Variants in ROBO2 observed in about 807,000 individuals in gnomAD.
The protein encoded by ROBO2 is roundabout guidance receptor 2, also known as roundabout homolog 2.
ROBO2 carries 53 observed loss-of-function variants against 160.8 expected under a neutral mutation model. The observed-to-expected ratio is 0.33, with a 90% confidence interval of 0.26 to 0.41. The LOEUF (loss-of-function observed/expected upper bound fraction) is 0.41. Among genes scored for constraint, ROBO2 ranks in the 10% least tolerant of loss-of-function variants. ROBO2 has a pLI of 1.00. For synonymous variants in ROBO2, 664 were observed against 611.7 expected (o/e 1.09, Z -1.26); for missense variants, 1,577 against 1,722.4 (o/e 0.92, Z 1.49).
intron 2 of ROBO2, among the ~76,000 whole-genome samples, chr3:77,010,232 T>C (rs767778484): frequency 1.3e-5 from 2 of 152,114 alleles, no homozygotes; most frequent in Non-Finnish European, 2.9e-5. Context: ...TATGTAGAAA[T>C]GACTGTCAAC....
chr3:76,400,550 A>G (rs934022729), intron 2 of ROBO2, among the ~76,000 whole-genome samples: 2 of 151,630 alleles, frequency 1.3e-5, no homozygotes, highest in African/African-American at 4.8e-5. Flanking sequence ...GCTTTAACAA[A>G]TGTTTATATT....
At chr3:76,194,218 T>G (rs1056138439) in intron 2 of ROBO2, among the ~76,000 whole-genome samples, 165 of 151,416 alleles carry the variant, frequency 1.1e-3, no homozygotes, top group Non-Finnish European at 1.9e-3. Context: ...TTTCTATTGT[T>G]ATTCCTGTTT....
chr3:77,558,965 T>A (rs753943839), intron 9 of ROBO2, among the ~76,000 whole-genome samples: 10 of 152,074 alleles, frequency 6.6e-5, no homozygotes, highest in Non-Finnish European at 1.5e-4. Flanking sequence ...TGCCGTCTCA[T>A]CTGAAGATTG....
At chr3:77,231,448 A>G (rs1169986543) in intron 2 of ROBO2, among the ~76,000 whole-genome samples, 4 of 151,656 alleles carry the variant, frequency 2.6e-5, no homozygotes, top group East Asian at 3.9e-4. Context: ...AAAGTGGGGA[A>G]GGATACACAC....
intron 2 of ROBO2, among the ~76,000 whole-genome samples, chr3:76,610,026 G>A (rs976547292): frequency 5.3e-5 from 8 of 152,006 alleles, no homozygotes; most frequent in Non-Finnish European, 8.8e-5. Flanking sequence ...TGTGTATGTT[G>A]AGCCATCCTT....
intron 2 of ROBO2, among the ~76,000 whole-genome samples, chr3:77,400,146 TAGC>T (rs1421707125): frequency 6.6e-6 from 1 of 152,182 alleles, no homozygotes; most frequent in Non-Finnish European, 1.5e-5. Context: ...CCATGTAGCT[TAGC>T]ATTTTATTTA....
chr3:76,123,774 T>C (rs1012422676), intron 2 of ROBO2, among the ~76,000 whole-genome samples: 9 of 152,156 alleles, frequency 5.9e-5, no homozygotes, highest in Non-Finnish European at 1.2e-4. Flanking sequence ...CTCTCTGGTG[T>C]ATTAGCTTCG....
intron 2 of ROBO2, among the ~76,000 whole-genome samples, chr3:77,206,798 G>A (rs1266035974): frequency 6.6e-6 from 1 of 151,946 alleles, no homozygotes; most frequent in African/African-American, 2.4e-5. Context: ...TCTAAATAAC[G>A]TTGCAATATT....
At chr3:76,192,545 C>T (rs1358062666) in intron 2 of ROBO2, among the ~76,000 whole-genome samples, 1 of 150,622 alleles carries the variant, frequency 6.6e-6, no homozygotes, top group Admixed American at 6.6e-5. Context: ...CACACACACA[C>T]ACACACACAC....
At chr3:77,447,684 G>A (rs751951451) in intron 2 of ROBO2, among the ~76,000 whole-genome samples, 1 of 152,080 alleles carries the variant, frequency 6.6e-6, no homozygotes, top group Non-Finnish European at 1.5e-5. Flanking sequence ...ACTAATTAGT[G>A]TCTTCTTTTA....
intron 2 of ROBO2, among the ~76,000 whole-genome samples, chr3:76,907,823 G>GTGTGT (rs2075705102): frequency 1.0e-4 from 15 of 145,430 alleles, no homozygotes; most frequent in African/African-American, 2.8e-4. Flanking sequence ...GTTTGTTTGG[G>GTGTGT]GTGTGTGTGT....
At position 76,531,620 on chromosome 3, in the gene ROBO2, C is replaced by CTTTT. The variant is rs74266991; in HGVS notation, c.110-566380_110-566377dup. 2.1e-4 allele frequency among the ~76,000 whole-genome samples: 25 copies of CTTTT among 121,852 alleles called. 1 individual carries two copies. The highest frequency in any genetic ancestry group is 5.7e-4 in the African/African-American group (19 of 33,370). The allele number at this position is 121,852 out of a possible 152,430, so 79.9% of individuals were successfully genotyped here. On this transcript the variant is annotated intron_variant, in intron 2 of 26. Transcript: ENST00000487694. ...TTGTTTTGTTTTGTTTGTACAGTTT[C>CTTTT]TTTTTTTTTTTTTTTTTGGTACCCT...
intron 2 of ROBO2, among the ~76,000 whole-genome samples, chr3:76,233,974 C>A (rs181673823): frequency 6.6e-6 from 1 of 152,146 alleles, no homozygotes; most frequent in Non-Finnish European, 1.5e-5. Flanking sequence ...TCTCTTCCCA[C>A]GCTCCAACCT....
chr3:76,992,436 A>G (rs561110268), intron 2 of ROBO2, among the ~76,000 whole-genome samples: 38 of 150,688 alleles, frequency 2.5e-4, no homozygotes, highest in South Asian at 6.3e-4. Flanking sequence ...TGACAGTTAC[A>G]CATCAGTTAC....
chr3:77,467,507 C>G (rs2082883270), intron 2 of ROBO2, among the ~76,000 whole-genome samples: 2 of 152,122 alleles, frequency 1.3e-5, no homozygotes, highest in Non-Finnish European at 2.9e-5. Context: ...TAGAAGCAGA[C>G]AGATGGTTAT....
At chr3:76,681,150 C>G (rs1299000370) in intron 2 of ROBO2, among the ~76,000 whole-genome samples, 1 of 152,070 alleles carries the variant, frequency 6.6e-6, no homozygotes, top group Non-Finnish European at 1.5e-5. Context: ...ACCACAAAGA[C>G]AATTAATCTA....
chr3:77,408,101 A>C (rs1433993424), intron 2 of ROBO2, among the ~76,000 whole-genome samples: 1 of 151,764 alleles, frequency 6.6e-6, no homozygotes, highest in Non-Finnish European at 1.5e-5. Context: ...AAAAACAAAA[A>C]AAAAAATAAA....
intron 6 of ROBO2, among the ~76,000 whole-genome samples, chr3:77,537,124 CA>C (rs930291393): frequency 3.4e-5 from 5 of 147,338 alleles, no homozygotes; most frequent in African/African-American, 1.3e-4. Context: ...TTACACTTAC[CA>C]AAATAAATCC....
intron 2 of ROBO2, among the ~76,000 whole-genome samples, chr3:76,387,379 G>C (rs1167227132): frequency 1.3e-5 from 2 of 152,144 alleles, no homozygotes; most frequent in African/African-American, 4.8e-5. Context: ...GAATCTTGAA[G>C]AATCATTTAT....
Sources: allele counts gnomAD v4.1 joint callset (sites outside exome capture counted in the v4.1 genomes callset), GRCh38; gene constraint gnomAD v4.1.1; transcripts MANE v1.5; gene names NCBI Gene and HGNC (gene_info 2026-07-23, HGNC 2026-07-21).